Variants in BICC1 observed in about 807,000 individuals in gnomAD.
BICC1 encodes BicC family RNA binding protein 1, also known as protein bicaudal C homolog 1.
A neutral mutation model predicts 111.0 loss-of-function variants in BICC1; 43 were observed. The ratio of observed to expected loss-of-function variants is 0.39; its 90% CI spans 0.30 to 0.50. The LOEUF (loss-of-function observed/expected upper bound fraction) is 0.50. Ranked by LOEUF, BICC1 falls within the 20% of genes least tolerant of loss-of-function variation. The pLI is 0.88. For synonymous variants in BICC1, 467 were observed against 434.4 expected (o/e 1.07, Z -0.93); for missense variants, 1,091 against 1,203.2 (o/e 0.91, Z 1.38).
intron 1 of BICC1, among the ~76,000 whole-genome samples, chr10:58,563,606 T>A (rs1030822546): frequency 1.1e-4 from 17 of 152,220 alleles, no homozygotes; most frequent in African/African-American, 4.1e-4. Flanking sequence ...AGTGCAGTTA[T>A]CTCTTTGTTG....
chr10:58,553,419 C>T (rs1843353090), intron 1 of BICC1, among the ~76,000 whole-genome samples: 1 of 152,108 alleles, frequency 6.6e-6, no homozygotes, highest in South Asian at 2.1e-4. Context: ...ATGTCGGCAG[C>T]CTCTAGAAGC....
rs537463508 is a variant in BICC1, at chr10:58,567,599, T to C, written c.191-53256T>C. ...TATATATAAAATATATAATTTCCCATCCCCCAATTGGCTTATTTGACTTTA... is the reference window on the plus strand; with the variant it reads ...TATATATAAAATATATAATTTCCCACCCCCCAATTGGCTTATTTGACTTTA... On this transcript the variant is annotated intron_variant, in intron 1 of 20. Coordinates refer to ENST00000373886, the MANE Select transcript of BICC1 (RefSeq NM_001080512.3). 9.4e-4 allele frequency among the ~76,000 whole-genome samples: 143 copies of C among 151,884 alleles called. 2 individuals carry two copies. The highest frequency in any genetic ancestry group is 3.2e-3 in the African/African-American group (131 of 41,404).
intron 3 of BICC1, among the ~76,000 whole-genome samples, chr10:58,771,610 G>A (rs1842624461): frequency 6.6e-6 from 1 of 152,142 alleles, no homozygotes; most frequent in South Asian, 2.1e-4. Flanking sequence ...GACTGATGGA[G>A]CCAAAATAAT....
At chr10:58,744,964 G>T (rs1430300306) in intron 3 of BICC1, among the ~76,000 whole-genome samples, 1 of 152,156 alleles carries the variant, frequency 6.6e-6, no homozygotes, top group African/African-American at 2.4e-5. Flanking sequence ...TCTTATAAGA[G>T]TGTTTTTATT....
At chr10:58,775,651 A>G (rs1159707337) in intron 3 of BICC1, among the ~76,000 whole-genome samples, 1 of 152,202 alleles carries the variant, frequency 6.6e-6, no homozygotes, top group Non-Finnish European at 1.5e-5. Flanking sequence ...CAAATAATAC[A>G]CAGTTGGGGT....
intron 2 of BICC1, among the ~76,000 whole-genome samples, chr10:58,646,800 T>TA (rs397791759): frequency 1.1e-4 from 16 of 151,926 alleles, no homozygotes; most frequent in Admixed American, 8.5e-4. Context: ...TGATTTTTTT[T>TA]AAATTAAATA....
intron 3 of BICC1, among the ~76,000 whole-genome samples, chr10:58,726,251 T>TTAA (rs1030184271): frequency 2.0e-5 from 3 of 152,112 alleles, no homozygotes; most frequent in Non-Finnish European, 2.9e-5. Context: ...TTAACCAGTT[T>TTAA]TAATAATAAT....
intron 3 of BICC1, among the ~76,000 whole-genome samples, chr10:58,732,713 C>T (rs1388085165): frequency 2.0e-5 from 3 of 151,658 alleles, no homozygotes; most frequent in African/African-American, 7.3e-5. Flanking sequence ...CCCAGGAGGT[C>T]GAGGCTGCAG....
At chr10:58,703,164 CTTT>C (rs3076275) in intron 3 of BICC1, among the ~76,000 whole-genome samples, 2 of 130,412 alleles carry the variant, frequency 1.5e-5, no homozygotes, top group African/African-American at 2.9e-5. Flanking sequence ...TATCTTGCTA[CTTT>C]TTTTTTTTTT....
chr10:58,725,322 G>A (rs555712561), intron 3 of BICC1, among the ~76,000 whole-genome samples: 9 of 152,200 alleles, frequency 5.9e-5, no homozygotes, highest in East Asian at 5.8e-4. Context: ...CTTCCTTGCC[G>A]TCCCTGCCCT....
intron 2 of BICC1, among the ~76,000 whole-genome samples, chr10:58,673,786 C>CT (rs5785337): frequency 0.81 from 111,492 of 138,222 alleles, 45,259 homozygotes; most frequent in Admixed American, 0.86. Flanking sequence ...CCACGCCCAG[C>CT]TTTTTTTTTT....
chr10:58,613,046 C>G (rs1370718202), intron 1 of BICC1, among the ~76,000 whole-genome samples: 2 of 151,684 alleles, frequency 1.3e-5, no homozygotes, highest in African/African-American at 2.4e-5. Flanking sequence ...TCTTGTGAAG[C>G]AAAAATATGA....
intron 1 of BICC1, among the ~76,000 whole-genome samples, chr10:58,535,384 A>G (rs954750184): frequency 8.6e-6 from 1 of 116,180 alleles, no homozygotes; most frequent in Non-Finnish European, 2.0e-5. Flanking sequence ...CTAACAGCAG[A>G]CTTCTCAGCA....
chr10:58,676,736 C>T (rs146704800), intron 2 of BICC1, among the ~76,000 whole-genome samples: 1 of 152,190 alleles, frequency 6.6e-6, no homozygotes, highest in African/African-American at 2.4e-5. Flanking sequence ...CTCTGACCCC[C>T]CCGTGCCTCC....
intron 1 of BICC1, among the ~76,000 whole-genome samples, chr10:58,526,900 A>G (rs1361679832): frequency 6.6e-6 from 1 of 152,126 alleles, no homozygotes; most frequent in Non-Finnish European, 1.5e-5. Flanking sequence ...ATGTGCATGT[A>G]TCTTTATAGC....
chr10:58,758,076 A>AT (rs1291957876), intron 3 of BICC1, among the ~76,000 whole-genome samples: 3 of 152,222 alleles, frequency 2.0e-5, no homozygotes, highest in East Asian at 1.9e-4. Context: ...ATCTTAAAAA[A>AT]AAATATATGT....
intron 1 of BICC1, among the ~76,000 whole-genome samples, chr10:58,577,161 T>C (rs544220868): frequency 8.1e-4 from 123 of 152,294 alleles, no homozygotes; most frequent in African/African-American, 2.8e-3. Context: ...CACTTACCAT[T>C]CAGTGGGTGC....
At chr10:58,664,587 A>C (rs77894084) in intron 2 of BICC1, among the ~76,000 whole-genome samples, 2,916 of 152,114 alleles carry the variant, frequency 0.019, 104 homozygotes, top group African/African-American at 0.066. Context: ...TTAGATCCTT[A>C]TATTAATTGT....
chr10:58,808,741 G>A lies in BICC1; in HGVS notation c.2376+1583G>A, dbSNP rs112274259. On this transcript the variant is annotated intron_variant, in intron 17 of 20. Transcript: ENST00000373886. ...AATTTTTTTTTTTTTTTGACGTGGA[G>A]TCTCACTCAACCCCCCTAAGCTGCA... is the stretch of plus-strand genomic sequence containing the variant. 1.7e-3 allele frequency among the ~76,000 whole-genome samples: 259 copies of A among 150,446 alleles called. 2 individuals are homozygous for A. The highest frequency in any genetic ancestry group is 6.0e-3 in the African/African-American group (246 of 40,898).
Sources: gnomAD v4.1 joint callset for allele counts (sites outside exome capture counted in the v4.1 genomes callset) on GRCh38, gnomAD v4.1.1 for gene constraint, MANE v1.5 for transcripts, NCBI Gene and HGNC (gene_info 2026-07-23, HGNC 2026-07-21) for gene names.